Variants in RERE observed in about 807,000 individuals in gnomAD.
RERE encodes the protein arginine-glutamic acid dipeptide repeats, also known as arginine-glutamic acid dipeptide repeats protein.
In RERE, 40 loss-of-function variants were observed where a neutral mutation model predicts 146.1. That is an observed-to-expected ratio of 0.27 (90% confidence interval 0.21 to 0.36). The LOEUF is 0.36. RERE is among the 10% of genes least tolerant of loss of function. The probability of loss-of-function intolerance (pLI) is 1.00; values close to 1 mark genes in which losing one functional copy is unlikely to be tolerated. For missense variants in RERE, 1,933 were observed against 2,138.7 expected (o/e 0.90, Z 1.90); for synonymous variants, 1,003 against 866.0 (o/e 1.16, Z -2.78).
chr1:8,758,113 T>C (rs926755189), intron 1 of RERE, among the ~76,000 whole-genome samples: 3 of 151,764 alleles, frequency 2.0e-5, no homozygotes, highest in Admixed American at 1.3e-4. Context: ...TTAGAAAGAA[T>C]CTCGCTCTGT....
At chr1:8,589,464 G>C (rs1314242353) in intron 4 of RERE, among the ~76,000 whole-genome samples, 1 of 152,050 alleles carries the variant, frequency 6.6e-6, no homozygotes, top group Non-Finnish European at 1.5e-5. Flanking sequence ...AAACACTACT[G>C]ACCAAGTAAT....
chr1:8,763,800 G>A (rs532296393), intron 1 of RERE, among the ~76,000 whole-genome samples: 1 of 152,020 alleles, frequency 6.6e-6, no homozygotes, highest in Non-Finnish European at 1.5e-5. Context: ...TTAGCCGGGT[G>A]TGGTGGCATG....
At chr1:8,586,178 CGCA>C (rs1287606877) in intron 4 of RERE, among the ~76,000 whole-genome samples, 1 of 152,144 alleles carries the variant, frequency 6.6e-6, no homozygotes, top group Admixed American at 6.5e-5. Flanking sequence ...AGTAAAGCAA[CGCA>C]GCGAGAGATC....
intron 6 of RERE, among the ~76,000 whole-genome samples, chr1:8,554,983 C>T (rs144938258): frequency 1.3e-5 from 2 of 152,332 alleles, no homozygotes; most frequent in African/African-American, 4.8e-5. Flanking sequence ...TGAGCTTAAG[C>T]TTGGAAAGCC....
chr1:8,474,750 G>T (rs1644731307), intron 10 of RERE, among the ~76,000 whole-genome samples: 1 of 152,080 alleles, frequency 6.6e-6, no homozygotes, highest in East Asian at 1.9e-4. Context: ...GACCTTTTTA[G>T]ATCAAATGGC....
At chr1:8,773,780 C>G (rs925779724) in intron 1 of RERE, among the ~76,000 whole-genome samples, 1 of 151,998 alleles carries the variant, frequency 6.6e-6, no homozygotes, top group Non-Finnish European at 1.5e-5. Flanking sequence ...GCTGAGATCG[C>G]GCCACTGCAC....
chr1:8,362,749 G>A lies in RERE; in HGVS notation c.1836C>T (p.Asn612=), dbSNP rs757975262. 1.9e-6 allele frequency: 3 copies of A among 1,614,258 alleles called. No homozygotes were observed. Among genetic ancestry groups the A allele is most frequent in the South Asian group, 2.2e-5 (2 of 91,088 alleles). The change falls in exon 16 of 23, where the codon AAC becomes AAT. Residue 612 remains asparagine (N), a synonymous_variant. Transcript: ENST00000400908. The part of the protein sequence containing the change: ...INEDIRSSGR[N]SPSAASTSSN... Reference sequence around the variant, plus strand: ...TGGAGGTACTGGCAGCGCTGGGGGAGTTCCGGCCGCTGGAGCGGATGTCTT... The same window carrying A: ...TGGAGGTACTGGCAGCGCTGGGGGAATTCCGGCCGCTGGAGCGGATGTCTT...
intron 1 of RERE, among the ~76,000 whole-genome samples, chr1:8,688,129 CACA>C (rs371731485): frequency 1.1e-4 from 16 of 152,290 alleles, no homozygotes; most frequent in Non-Finnish European, 2.1e-4. Context: ...TAGGTAACCA[CACA>C]ACTATTCCAT....
intron 1 of RERE, among the ~76,000 whole-genome samples, chr1:8,693,588 G>A (rs1036303995): frequency 5.9e-5 from 9 of 152,146 alleles, no homozygotes; most frequent in African/African-American, 2.2e-4. Flanking sequence ...GGGCTTGGGG[G>A]CAGAGAGGGA....
chr1:8,694,081 C>T (rs1639268461), intron 1 of RERE, among the ~76,000 whole-genome samples: 1 of 148,066 alleles, frequency 6.8e-6, no homozygotes, highest in South Asian at 2.1e-4. Flanking sequence ...ATTTTCCGCA[C>T]TTTTAGTTCT....
At position 8,358,805 on chromosome 1, in the gene RERE, G is replaced by A. The variant is rs1388230861; in HGVS notation, c.3730C>T (p.Pro1244Ser). 1.2e-6 allele frequency: 2 copies of A among 1,612,514 alleles called. No homozygotes were observed. The highest frequency in any genetic ancestry group is 1.7e-6 in the Non-Finnish European group (2 of 1,179,222). The change falls in exon 20 of 23, where the codon CCC becomes TCC. Residue 1244 changes from proline (P) to serine (S), a missense_variant. Pro to Ser is a moderately conservative substitution (Grantham distance 74). Coordinates refer to ENST00000400908, the MANE Select transcript of RERE (RefSeq NM_001042681.2). ...PPPTTIAAVP[P>S]YIGPDTPALR... ...GCAGGTGTGTCGGGCCCGATGTAGG[G>A]GGGCACAGCAGCAATGGTGGTTGGT...
intron 11 of RERE, among the ~76,000 whole-genome samples, chr1:8,458,592 C>CAT (rs1179041931): frequency 6.7e-6 from 1 of 148,596 alleles, no homozygotes; most frequent in African/African-American, 2.5e-5. Flanking sequence ...CACACATATA[C>CAT]ATACACACAC....
chr1:8,644,113 C>G (rs1647223132), intron 2 of RERE, among the ~76,000 whole-genome samples: 1 of 152,228 alleles, frequency 6.6e-6, no homozygotes, highest in African/African-American at 2.4e-5. Context: ...CAGCCCACAT[C>G]TATTTCCCCT....
chr1:8,543,999 G>A (rs906357763), intron 6 of RERE, among the ~76,000 whole-genome samples: 1 of 152,186 alleles, frequency 6.6e-6, no homozygotes, highest in East Asian at 1.9e-4. Context: ...AATGTGGAAA[G>A]AGTGAACATC....
chr1:8,800,240 C>T (rs1203544803), intron 1 of RERE, among the ~76,000 whole-genome samples: 3 of 136,706 alleles, frequency 2.2e-5, no homozygotes, highest in African/African-American at 5.6e-5. Context: ...GCATGGGCTA[C>T]AGAGTGAGAC....
intron 6 of RERE, among the ~76,000 whole-genome samples, chr1:8,555,147 A>G (rs1200607905): frequency 6.6e-6 from 1 of 152,248 alleles, no homozygotes; most frequent in Non-Finnish European, 1.5e-5. Flanking sequence ...TGGCCAGAAA[A>G]GCCATATCTG....
At position 8,496,150 on chromosome 1, in the gene RERE, T is replaced by TAA. The variant is rs36115213; in HGVS notation, c.1005-990_1005-989dup. ...TGCACTCCAGTGTGAGACCCTGTCT[T>TAA]AAAAAAAAAAAAAAAAAAAGGTGAG... is the stretch of plus-strand genomic sequence containing the variant. On this transcript the variant is annotated intron_variant, in intron 9 of 22. Transcript: ENST00000400908. Among the ~76,000 whole-genome samples, 25 of 118,424 alleles carry TAA rather than the reference T, an allele frequency of 2.1e-4. No individual in the cohort carries two copies. In the Middle Eastern group the frequency reaches 0.016, roughly 78 times the overall value. 77.7% of individuals were successfully genotyped at this position (118,424 alleles called of 152,430 possible). A position where few individuals can be genotyped will look rare whatever the true frequency, so the allele number is the denominator to read the frequency against.
In RERE at chr1:8,760,350, A is replaced by C. The variant is rs1288434600; in HGVS notation, c.-145+56810T>G. 2.0e-5 allele frequency among the ~76,000 whole-genome samples: 3 copies of C among 152,224 alleles called. No individual in the cohort carries two copies. In the East Asian group the frequency reaches 5.8e-4, roughly 29 times the overall value. On this transcript the variant is annotated intron_variant, in intron 1 of 22. Transcript: ENST00000400908. ...CCCCTAGGCCTGTAATAGTTAAGACAATCATTTATACATCATTTATATCAA... is the reference window on the plus strand; with the variant it reads ...CCCCTAGGCCTGTAATAGTTAAGACCATCATTTATACATCATTTATATCAA...
At chr1:8,368,853 G>A (rs1315008823) in intron 12 of RERE, among the ~76,000 whole-genome samples, 1 of 151,556 alleles carries the variant, frequency 6.6e-6, no homozygotes, top group African/African-American at 2.4e-5. Context: ...TTGAGGCCAG[G>A]AGTTCAAGAC....
Sources: allele counts gnomAD v4.1 joint callset (sites outside exome capture counted in the v4.1 genomes callset), GRCh38; gene constraint gnomAD v4.1.1; transcripts MANE v1.5; gene names NCBI Gene and HGNC (gene_info 2026-07-23, HGNC 2026-07-21).